The following GGTLC2 variants were observed in gnomAD, a reference collection of about 807,000 sequenced individuals.
GGTLC2 encodes the protein gamma-glutamyltransferase light chain 2.
GGTLC2 carries 13 observed loss-of-function variants against 20.2 expected under a neutral mutation model. The ratio of observed to expected loss-of-function variants is 0.64; its 90% CI spans 0.42 to 1.02. GGTLC2 has a LOEUF of 1.02. GGTLC2 is among the 50% of genes least tolerant of loss of function. GGTLC2 has a pLI of 0.00. For missense variants in GGTLC2, 202 were observed against 301.3 expected, an observed-to-expected ratio of 0.67 and a Z score of 2.44; for synonymous variants, 89 against 125.5, an observed-to-expected ratio of 0.71 and a Z score of 1.94.
In GGTLC2 at chr22:22,646,360, C is replaced by G. The variant is rs1337429750; in HGVS notation, c.15C>G (p.Phe5Leu). 1 of 1,362,604 alleles carries G rather than the reference C, an allele frequency of 7.3e-7. No homozygotes were observed. Among genetic ancestry groups the G allele is most frequent in the East Asian group, 3.9e-5 (1 of 25,632 alleles). The allele number at this position is 1,362,604 out of a possible 1,614,324, so 84.4% of individuals were successfully genotyped here. A position where few individuals can be genotyped will look rare whatever the true frequency, so the allele number is the denominator to read the frequency against. MTSE[F>L]FAAQLRAQIS... ...TGGTCCACAACATGACCTCTGAGTT[C>G]TTCGCTGCCCAGCTCCGGGCCCAGA... The change falls in exon 2 of 6, where the codon TTC becomes TTG. Residue 5 changes from phenylalanine to leucine, a missense_variant. Physicochemically the swap from Phe to Leu is conservative, Grantham distance 22. This residue lies in a region of GGTLC2 where 44 missense variants were observed against 81.2 expected (regional missense o/e 0.54). Coordinates refer to ENST00000448514, the MANE Select transcript of GGTLC2 (RefSeq NM_199127.3).
At position 22,646,487 on chromosome 22, in the gene GGTLC2, A is replaced by C. The variant is rs2064092512; in HGVS notation, c.142A>C (p.Ser48Arg). The part of the protein sequence containing the change: ...AHLSVVAEDG[S>R]AVSATSTINL... ...CCTGTCTGTCGTCGCAGAGGACGGCAGTGCTGTGTCCGCCACCAGCACCAT... is the reference window on the plus strand; with the variant it reads ...CCTGTCTGTCGTCGCAGAGGACGGCCGTGCTGTGTCCGCCACCAGCACCAT... The change falls in exon 2 of 6, where the codon AGT (serine) becomes CGT (arginine). Residue 48 changes from serine (S) to arginine (R), a missense_variant. Physicochemically the swap from Ser to Arg is moderately radical, Grantham distance 110 (BLOSUM62 -1). Transcript: ENST00000448514. The C allele has an allele frequency of 1.9e-6, 3 of 1,567,566 alleles. No individual in the cohort carries two copies. The African/African-American group carries it at 4.0e-5, about 21-fold the overall frequency.
At chr22:22,646,667 A>G (rs2064102857) in intron 2 of GGTLC2, 87 bp from the exon 3 acceptor site, 3 of 1,553,816 alleles carry the variant, frequency 1.9e-6, no homozygotes, top group Non-Finnish European at 2.6e-6. Flanking sequence ...TGGGCCTCTC[A>G]GTGAGTATGT....
In GGTLC2 at chr22:22,646,230, C is replaced by T. The variant is rs1021719273; in HGVS notation, c.-34-82C>T. The T allele has an allele frequency of 2.4e-5, 34 of 1,445,982 alleles. 1 individual carries two copies. The highest frequency in any genetic ancestry group is 2.5e-5 in the Non-Finnish European group (27 of 1,068,002). 89.6% of individuals were successfully genotyped at this position (1,445,982 alleles called of 1,614,324 possible). A position where few individuals can be genotyped will look rare whatever the true frequency, so the allele number is the denominator to read the frequency against. ...GGGGAGCCACGGAAGGTTGTGGGTG[C>T]CAGAGGGTTGTGGTCAGAGCCACAG... is the stretch of plus-strand genomic sequence containing the variant. On this transcript the variant is annotated intron_variant, in intron 1 of 5. Coordinates refer to ENST00000448514, the MANE Select transcript of GGTLC2 (RefSeq NM_199127.3).
At chr22:22,646,622 G>A in intron 2 of GGTLC2, 101 bp downstream of exon 2, 1 of 1,370,298 alleles carries the variant, frequency 7.3e-7, no homozygotes, top group East Asian at 2.5e-5. Context: ...TCTTTTCCTG[G>A]TGGGAAACTG....
At chr22:22,647,400 G>A in intron 5 of GGTLC2, 110 bp downstream of exon 5, 1 of 1,581,128 alleles carries the variant, frequency 6.3e-7, no homozygotes, top group East Asian at 2.3e-5. Flanking sequence ...TCTCTCTAGT[G>A]CCTGGGCCAT....
At chr22:22,644,878 CTCTCTTTT>C (rs2063985465) in intron 1 of GGTLC2, among the ~76,000 whole-genome samples, 170 bp downstream of exon 1, 4 of 72,842 alleles carry the variant, frequency 5.5e-5, no homozygotes, top group African/African-American at 1.4e-4. Context: ...GAGTCAGACT[CTCTCTTTT>C]TTTTTTTTTT....
chr22:22,647,104 C>T, intron 4 of GGTLC2, 37 bp from the exon 5 acceptor site: 1 of 1,611,738 alleles, frequency 6.2e-7, no homozygotes, highest in Non-Finnish European at 8.5e-7. Context: ...TGATATGTGT[C>T]ACCCCTTTTC....
At chr22:22,646,691 G>T in intron 2 of GGTLC2, 63 bp from the exon 3 acceptor site, 1 of 1,585,636 alleles carries the variant, frequency 6.3e-7, no homozygotes, top group East Asian at 2.2e-5. Flanking sequence ...AGCCTCAGTG[G>T]GTGGATAGGG....
rs1402670787 is a variant in GGTLC2, at chr22:22,647,254, G to T, written c.474G>T (p.Leu158=). The T allele has an allele frequency of 1.9e-6, 3 of 1,611,244 alleles. No individual in the cohort carries two copies. The highest frequency in any genetic ancestry group is 2.5e-6 in the Non-Finnish European group (3 of 1,179,514). ...AGCCCCGGCTGCACAACCAGCTTCTGCCCAACGTCACGACAGTGGAGAGAA... is the reference window on the plus strand; with the variant it reads ...AGCCCCGGCTGCACAACCAGCTTCTTCCCAACGTCACGACAGTGGAGAGAA... ...VEEPRLHNQL[L]PNVTTVERNI... is the part of the protein sequence containing the mutation. The change falls in exon 5 of 6, where the codon CTG becomes CTT. Residue 158 remains leucine (L), a synonymous_variant. Transcript: ENST00000448514.
In GGTLC2 at chr22:22,646,306, C is replaced by T; in HGVS notation, c.-34-6C>T. The T allele has an allele frequency of 8.4e-7, 1 of 1,192,546 alleles. No individual in the cohort carries two copies. The allele number at this position is 1,192,546 out of a possible 1,614,324, so 73.9% of individuals were successfully genotyped here. A position where few individuals can be genotyped will look rare whatever the true frequency, so the allele number is the denominator to read the frequency against. ...CCCTCCCCACCCTCCCTCCCCACCTCCTCAGGCCAGCTCTGGGGTCTCGGC... is the reference window on the plus strand; with the variant it reads ...CCCTCCCCACCCTCCCTCCCCACCTTCTCAGGCCAGCTCTGGGGTCTCGGC... On this transcript the variant is annotated splice_region_variant and splice_polypyrimidine_tract_variant and intron_variant, in intron 1 of 5. Transcript: ENST00000448514.
chr22:22,646,732 G>C, intron 2 of GGTLC2, 22 bp from the exon 3 acceptor site: 1 of 1,608,230 alleles, frequency 6.2e-7, no homozygotes. Context: ...GTCAGGTGCT[G>C]TCTGACCTGG....
At chr22:22,647,107 C>A (rs4050602) in intron 4 of GGTLC2, 34 bp from the exon 5 acceptor site, 556 of 1,610,928 alleles carry the variant, frequency 3.5e-4, no homozygotes, top group Non-Finnish European at 4.2e-4. Flanking sequence ...TATGTGTCAC[C>A]CCTTTTCTCC....
Position 22,646,996 on chromosome 22 carries a change from C to T in GGTLC2, c.318C>T (p.Leu106=), listed in dbSNP as rs769606932. ...ANFIQPGKQP[L]SSMCPTIMVG... is the part of the protein sequence containing the mutation. Reference sequence around the variant, plus strand: ...CATCGGCCACAGGGAAGCAGCCGCTCTCGTCAATGTGCCCGACGATCATGG... The same window carrying T: ...CATCGGCCACAGGGAAGCAGCCGCTTTCGTCAATGTGCCCGACGATCATGG... The change falls in exon 4 of 6, where the codon CTC becomes CTT. Residue 106 remains leucine (L), a synonymous_variant. Transcript: ENST00000448514. 1.2e-6 allele frequency: 2 copies of T among 1,611,712 alleles called. No homozygotes were observed. Among genetic ancestry groups the T allele is most frequent in the Non-Finnish European group, 1.7e-6 (2 of 1,179,816 alleles).
chr22:22,647,496 C>T (rs879043841), intron 5 of GGTLC2, 99 bp from the exon 6 acceptor site: 150 of 1,588,724 alleles, frequency 9.4e-5, no homozygotes, highest in Middle Eastern at 9.2e-4. Flanking sequence ...TGACCTGGCC[C>T]GAAATGGCAC....
chr22:22,646,078 A>C, intron 1 of GGTLC2: 9 of 1,300,484 alleles, frequency 6.9e-6, no homozygotes, highest in Non-Finnish European at 9.2e-6. Context: ...TGAAGGAATG[A>C]GTGATTGAAT....
intron 1 of GGTLC2, 98 bp from the exon 2 acceptor site, chr22:22,646,214 C>T (rs1217118252): frequency 3.6e-5 from 50 of 1,402,812 alleles, no homozygotes; most frequent in African/African-American, 8.6e-5. Flanking sequence ...TGGGGAGCCA[C>T]GGAAGGTTGT....
Position 22,647,015 on chromosome 22 carries a change from A to T in GGTLC2, c.337A>T (p.Ile113Phe), listed in dbSNP as rs2064122725. 1 of 1,611,612 alleles carries T rather than the reference A, an allele frequency of 6.2e-7. No individual in the cohort carries two copies. The highest frequency in any genetic ancestry group is 1.3e-5 in the African/African-American group (1 of 74,880). ...GCCGCTCTCGTCAATGTGCCCGACG[A>T]TCATGGTGGGCCAGGACGGCCAGGT... ...KQPLSSMCPT[I>F]MVGQDGQPPS... The change falls in exon 4 of 6, where the codon ATC (isoleucine) becomes TTC (phenylalanine). Residue 113 changes from isoleucine to phenylalanine, a missense_variant. By Grantham distance (21) the Ile-to-Phe change is conservative (BLOSUM62 0). Around this residue, in one of 4 missense-constraint regions of GGTLC2, gnomAD observed 65 missense variants for 87.5 expected, o/e 0.74. Transcript: ENST00000448514.
Position 22,646,303 on chromosome 22 carries a change from C to T in GGTLC2, c.-34-9C>T, listed in dbSNP as rs758767244. On this transcript the variant is annotated splice_polypyrimidine_tract_variant and intron_variant, in intron 1 of 5. Coordinates refer to ENST00000448514, the MANE Select transcript of GGTLC2 (RefSeq NM_199127.3). Reference sequence around the variant, plus strand: ...GTCCCCTCCCCACCCTCCCTCCCCACCTCCTCAGGCCAGCTCTGGGGTCTC... The same window carrying T: ...GTCCCCTCCCCACCCTCCCTCCCCATCTCCTCAGGCCAGCTCTGGGGTCTC... 3.4e-6 allele frequency: 4 copies of T among 1,185,232 alleles called. 1 individual carries two copies. The Admixed American group carries it at 8.8e-5, about 26-fold the overall frequency. The allele number at this position is 1,185,232 out of a possible 1,614,324, so 73.4% of individuals were successfully genotyped here.
At chr22:22,646,072 G>A (rs1244765290) in intron 1 of GGTLC2, 629 of 1,273,424 alleles carry the variant, frequency 4.9e-4, no homozygotes, top group South Asian at 9.9e-4. Context: ...TTTGCATGAA[G>A]GAATGAGTGA....
Sources: gnomAD v4.1 joint callset for allele counts (sites outside exome capture counted in the v4.1 genomes callset) on GRCh38, gnomAD v4.1.1 for gene constraint, gnomAD v4.1.1 regional missense constraint, MANE v1.5 for transcripts, NCBI Gene and HGNC (gene_info 2026-07-23, HGNC 2026-07-21) for gene names.